ELAVL2: variants seen among roughly 807,000 people sequenced by gnomAD.
The protein encoded by ELAVL2 is ELAV like RNA binding protein 2, also known as ELAV-like protein 2.
A neutral mutation model predicts 34.6 loss-of-function variants in ELAVL2; 4 were observed. That is an observed-to-expected ratio of 0.12 (90% CI 0.06 to 0.26). The LOEUF (loss-of-function observed/expected upper bound fraction) is 0.26, where lower values mean the gene tolerates loss of function less well. Ranked by LOEUF, ELAVL2 falls within the 10% of genes least tolerant of loss-of-function variation. The probability of loss-of-function intolerance (pLI) is 1.00; values close to 1 mark genes in which losing one functional copy is unlikely to be tolerated. For synonymous variants in ELAVL2, 193 were observed against 154.8 expected (o/e 1.25, Z -1.83); for missense variants, 432 against 442.8 (o/e 0.98, Z 0.22).
chr9:23,759,782 ATATATAT>A (rs1467974879), intron 2 of ELAVL2, among the ~76,000 whole-genome samples: 32 of 133,164 alleles, frequency 2.4e-4, no homozygotes, highest in South Asian at 1.1e-3. Context: ...ATATATATAT[ATATATAT>A]AATGTATAGA....
chr9:23,796,358 C>G (rs545028644), intron 1 of ELAVL2, among the ~76,000 whole-genome samples: 1 of 152,344 alleles, frequency 6.6e-6, no homozygotes, highest in South Asian at 2.1e-4. Flanking sequence ...CAATTACTGT[C>G]CATTTGAAGA....
the ELAVL2 span, chr9:23,849,595 A>C: frequency 6.6e-6 from 1 of 152,246 alleles, no homozygotes; most frequent in Non-Finnish European, 1.5e-5. Context: ...ACCAGACAAT[A>C]ACGTAGTTCC....
At chr9:23,708,465 G>C (rs543084076) in intron 3 of ELAVL2, among the ~76,000 whole-genome samples, 3 of 152,086 alleles carry the variant, frequency 2.0e-5, no homozygotes, top group Non-Finnish European at 4.4e-5. Flanking sequence ...TTCTCTTTCT[G>C]TGTCCTGGTC....
At chr9:23,770,121 G>C (rs1405178908) in intron 1 of ELAVL2, among the ~76,000 whole-genome samples, 2 of 152,212 alleles carry the variant, frequency 1.3e-5, no homozygotes, top group African/African-American at 4.8e-5. Flanking sequence ...AAGCATCTTG[G>C]AGTGCTGATT....
chr9:23,783,916 C>T (rs1037667609), intron 1 of ELAVL2, among the ~76,000 whole-genome samples: 28 of 149,354 alleles, frequency 1.9e-4, no homozygotes, highest in African/African-American at 5.9e-4. Flanking sequence ...GGGCACAGGC[C>T]GGGCGCGGTG....
At chr9:23,721,213 A>C (rs2134082622) in intron 3 of ELAVL2, among the ~76,000 whole-genome samples, 1 of 152,350 alleles carries the variant, frequency 6.6e-6, no homozygotes, top group East Asian at 1.9e-4. Flanking sequence ...AAACTCATCC[A>C]AAGATATTTC....
intron 1 of ELAVL2, among the ~76,000 whole-genome samples, chr9:23,806,990 G>C (rs368184983): frequency 1.3e-5 from 2 of 152,178 alleles, no homozygotes; most frequent in East Asian, 3.9e-4. Flanking sequence ...TAAGGAAAAG[G>C]GGCTGAAATC....
chr9:23,789,476 G>A (rs1040316164), intron 1 of ELAVL2, among the ~76,000 whole-genome samples: 1 of 152,178 alleles, frequency 6.6e-6, no homozygotes, highest in Non-Finnish European at 1.5e-5. Context: ...GTTCAAAATA[G>A]TAATACAATT....
chr9:23,846,077 C>T, the ELAVL2 span, among the ~76,000 whole-genome samples: 3 of 151,928 alleles, frequency 2.0e-5, no homozygotes, highest in Middle Eastern at 0.01. Flanking sequence ...GTCCCAATCT[C>T]TCAAGTCCAA....
At chr9:23,780,972 G>T (rs1304502432) in intron 1 of ELAVL2, among the ~76,000 whole-genome samples, 2 of 152,104 alleles carry the variant, frequency 1.3e-5, no homozygotes, top group Non-Finnish European at 2.9e-5. Flanking sequence ...AAAAAGACTA[G>T]AACGAAGGTA....
chr9:23,838,386 TGACCTC>T, the ELAVL2 span, among the ~76,000 whole-genome samples: 1 of 152,158 alleles, frequency 6.6e-6, no homozygotes, highest in Non-Finnish European at 1.5e-5. Context: ...TAAGGACCAG[TGACCTC>T]TTAAAAGACA....
intron 1 of ELAVL2, among the ~76,000 whole-genome samples, chr9:23,778,243 G>T (rs1349178020): frequency 6.6e-6 from 1 of 152,194 alleles, no homozygotes; most frequent in Non-Finnish European, 1.5e-5. Context: ...AAAGTGGCAA[G>T]GGATAGACAA....
intron 1 of ELAVL2, among the ~76,000 whole-genome samples, chr9:23,777,733 T>C (rs984482203): frequency 6.6e-6 from 1 of 152,204 alleles, no homozygotes; most frequent in Admixed American, 6.5e-5. Context: ...TGCCATCAAT[T>C]AAGGAAGAAC....
chr9:23,744,020 G>C (rs191775241), intron 2 of ELAVL2, among the ~76,000 whole-genome samples: 1 of 152,164 alleles, frequency 6.6e-6, no homozygotes, highest in African/African-American at 2.4e-5. Context: ...TTAAGGCTAA[G>C]ACAAGTGGAT....
At chr9:23,839,362 C>T in the ELAVL2 span, among the ~76,000 whole-genome samples, 1 of 151,958 alleles carries the variant, frequency 6.6e-6, no homozygotes, top group Admixed American at 6.6e-5. Context: ...TGACTCATGG[C>T]GCAGTCCTGA....
chr9:23,818,009 T>A (rs1306378345), intron 1 of ELAVL2, among the ~76,000 whole-genome samples: 1 of 152,196 alleles, frequency 6.6e-6, no homozygotes, highest in African/African-American at 2.4e-5. Context: ...CCGTCTAGTA[T>A]CTCGAACCAA....
At position 23,766,748 on chromosome 9, in the gene ELAVL2, AC is replaced by A. The variant is rs542172458; in HGVS notation, c.-15-4500del. Among the ~76,000 whole-genome samples, 5 of 152,238 alleles carry A rather than the reference AC, an allele frequency of 3.3e-5. No individual in the cohort carries two copies. The East Asian group carries it at 9.7e-4, about 29-fold the overall frequency. The stretch of plus-strand genomic sequence containing the variant: ...TAAATAAGTTGCTCACATGGCCCTT[AC>A]CTTTATGCTGGCCAACAATTCAGTT... On this transcript the variant is annotated intron_variant, in intron 1 of 6. Transcript: ENST00000397312.
chr9:23,759,754 T>TTTTATATATATATATATATA (rs1279843264), intron 2 of ELAVL2, among the ~76,000 whole-genome samples: 4 of 81,348 alleles, frequency 4.9e-5, no homozygotes, highest in African/African-American at 8.7e-5. Context: ...ATATATAGTA[T>TTTTATATATATATATATATA]TATATATATA....
intron 2 of ELAVL2, among the ~76,000 whole-genome samples, chr9:23,759,790 A>G (rs987887042): frequency 1.6e-5 from 2 of 124,036 alleles, no homozygotes; most frequent in African/African-American, 5.8e-5. Context: ...ATATATATAT[A>G]ATGTATAGAA....
Sources: allele counts gnomAD v4.1 joint callset (sites outside exome capture counted in the v4.1 genomes callset), GRCh38; gene constraint gnomAD v4.1.1; transcripts MANE v1.5; gene names NCBI Gene and HGNC (gene_info 2026-07-23, HGNC 2026-07-21).